The following DIAPH3 variants were observed in gnomAD, a reference collection of about 807,000 sequenced individuals.
The protein encoded by DIAPH3 is diaphanous related formin 3.
A neutral mutation model predicts 144.3 loss-of-function variants in DIAPH3; 117 were observed. That is an observed-to-expected ratio of 0.81 (90% CI 0.70 to 0.95). The LOEUF is 0.95. DIAPH3 is among the 40% of genes least tolerant of loss of function. DIAPH3 has a pLI of 0.00. For synonymous variants in DIAPH3, 519 were observed against 488.9 expected (o/e 1.06, Z -0.81); for missense variants, 1,421 against 1,412.7 (o/e 1.01, Z -0.09).
intron 22 of DIAPH3, among the ~76,000 whole-genome samples, chr13:59,841,197 A>T (rs2042323178): frequency 6.6e-6 from 1 of 152,118 alleles, no homozygotes; most frequent in Non-Finnish European, 1.5e-5. Context: ...TCTCCCTTAA[A>T]GTCTCATTAG....
intron 5 of DIAPH3, among the ~76,000 whole-genome samples, chr13:60,040,098 G>A (rs778011399): frequency 4.6e-5 from 7 of 151,400 alleles, no homozygotes; most frequent in South Asian, 2.1e-4. Flanking sequence ...AGCCAGGTGC[G>A]CACCTGTAAT....
chr13:59,717,699 G>C (rs1374145220), intron 27 of DIAPH3, among the ~76,000 whole-genome samples: 4 of 151,984 alleles, frequency 2.6e-5, no homozygotes, highest in Non-Finnish European at 4.4e-5. Flanking sequence ...CCATATAACT[G>C]GAAATCCACC....
At chr13:59,897,577 G>A (rs181781460) in intron 20 of DIAPH3, among the ~76,000 whole-genome samples, 18 of 150,478 alleles carry the variant, frequency 1.2e-4, no homozygotes, top group African/African-American at 2.2e-4. Context: ...GTAAAACCCC[G>A]TCTCTACTAA....
At chr13:59,745,417 T>C (rs1268193441) in intron 27 of DIAPH3, among the ~76,000 whole-genome samples, 1 of 152,144 alleles carries the variant, frequency 6.6e-6, no homozygotes, top group Non-Finnish European at 1.5e-5. Flanking sequence ...TTCAGACAAG[T>C]GTACCTAGGG....
At chr13:59,703,071 CTTTCT>C (rs2034203626) in intron 27 of DIAPH3, among the ~76,000 whole-genome samples, 1 of 152,194 alleles carries the variant, frequency 6.6e-6, no homozygotes, top group African/African-American at 2.4e-5. Context: ...TATGGCTCTC[CTTTCT>C]TTTCTCTTTC....
chr13:60,008,702 A>G, intron 8 of DIAPH3, 53 bp from the exon 9 acceptor site: 1 of 1,119,016 alleles, frequency 8.9e-7, no homozygotes, highest in Non-Finnish European at 1.4e-6. Flanking sequence ...CAAATGCCAT[A>G]ATACAATTGC....
intron 2 of DIAPH3, among the ~76,000 whole-genome samples, chr13:60,127,671 T>G (rs2059023628): frequency 6.6e-6 from 1 of 152,116 alleles, no homozygotes; most frequent in African/African-American, 2.4e-5. Flanking sequence ...TATATGAAAT[T>G]CTAAAAACTG....
chr13:59,791,561 C>G (rs1464510127), intron 25 of DIAPH3, among the ~76,000 whole-genome samples: 2 of 152,102 alleles, frequency 1.3e-5, no homozygotes, highest in Non-Finnish European at 2.9e-5. Flanking sequence ...CTTTCTGATT[C>G]TAAAGCTCAT....
chr13:60,147,107 A>C (rs1239780212), intron 1 of DIAPH3: 1 of 152,212 alleles, frequency 6.6e-6, no homozygotes, highest in Non-Finnish European at 1.5e-5. Flanking sequence ...CTCACAGGTG[A>C]AGCCTCCAAG....
intron 17 of DIAPH3, among the ~76,000 whole-genome samples, chr13:59,955,983 C>T (rs2049376538): frequency 6.6e-6 from 1 of 152,104 alleles, no homozygotes; most frequent in Non-Finnish European, 1.5e-5. Context: ...AATTTCCAAG[C>T]AGCAAAGCAT....
At chr13:59,774,271 A>G (rs943748980) in intron 26 of DIAPH3, 23 bp from the exon 27 acceptor site, 1 of 1,587,404 alleles carries the variant, frequency 6.3e-7, no homozygotes, top group Non-Finnish European at 8.6e-7. Flanking sequence ...AAAATAAAAT[A>G]AACTTAATAT....
chr13:59,743,213 A>T (rs115820871), intron 27 of DIAPH3, among the ~76,000 whole-genome samples: 1 of 152,230 alleles, frequency 6.6e-6, no homozygotes. Context: ...CAGGAGGACA[A>T]CTGGAGGAAG....
At chr13:59,886,178 G>A (rs2045434400) in intron 20 of DIAPH3, among the ~76,000 whole-genome samples, 1 of 151,980 alleles carries the variant, frequency 6.6e-6, no homozygotes, top group East Asian at 1.9e-4. Flanking sequence ...TTCATGTTTA[G>A]GTCCGTACTC....
intron 4 of DIAPH3, among the ~76,000 whole-genome samples, chr13:60,059,059 T>C (rs2056666154): frequency 6.6e-6 from 1 of 151,828 alleles, no homozygotes; most frequent in Non-Finnish European, 1.5e-5. Context: ...TTAAAAACTG[T>C]TAATATGTAT....
At chr13:59,886,900 T>C (rs918135390) in intron 20 of DIAPH3, among the ~76,000 whole-genome samples, 5 of 152,050 alleles carry the variant, frequency 3.3e-5, no homozygotes, top group Non-Finnish European at 7.4e-5. Flanking sequence ...TCTTTTATGT[T>C]TTCTTGTTAC....
intron 27 of DIAPH3, among the ~76,000 whole-genome samples, chr13:59,700,558 G>A (rs1333190892): frequency 6.6e-6 from 1 of 152,150 alleles, no homozygotes; most frequent in Non-Finnish European, 1.5e-5. Context: ...TGGTTCATGG[G>A]TATGACGTAA....
intron 24 of DIAPH3, among the ~76,000 whole-genome samples, chr13:59,823,089 A>C (rs1020212904): frequency 2.6e-5 from 4 of 152,246 alleles, no homozygotes; most frequent in African/African-American, 9.6e-5. Flanking sequence ...GGGAACAAAC[A>C]AAATACTGAA....
Position 59,992,463 on chromosome 13 carries a change from G to T in DIAPH3, c.1125+10C>A. On this transcript the variant is annotated intron_variant, in intron 10 of 27. Transcript: ENST00000400324. ...TTTAAATATTAATAAGGAGACTGCA[G>T]GGCACTTACTGGCAATATCTCTTTC... 6.3e-7 allele frequency: 1 copy of T among 1,599,852 alleles called. No homozygotes were observed. The highest frequency in any genetic ancestry group is 1.1e-5 in the South Asian group (1 of 90,508).
intron 17 of DIAPH3, among the ~76,000 whole-genome samples, chr13:59,958,814 G>A (rs1304523379): frequency 6.6e-6 from 1 of 150,578 alleles, no homozygotes; most frequent in East Asian, 1.9e-4. Flanking sequence ...TTTTGGCTGT[G>A]GTGACAAAAA....
Sources: allele counts gnomAD v4.1 joint callset (sites outside exome capture counted in the v4.1 genomes callset), GRCh38; gene constraint gnomAD v4.1.1; transcripts MANE v1.5; gene names NCBI Gene and HGNC (gene_info 2026-07-23, HGNC 2026-07-21).